ROBO2: variants seen among roughly 807,000 people sequenced by gnomAD.
The protein encoded by ROBO2 is roundabout guidance receptor 2.
A neutral mutation model predicts 160.8 loss-of-function variants in ROBO2; 53 were observed. The ratio of observed to expected loss-of-function variants is 0.33; its 90% CI spans 0.26 to 0.41. ROBO2 has a LOEUF of 0.41. Among genes scored for constraint, ROBO2 ranks in the 10% least tolerant of loss-of-function variants. The pLI is 1.00. For synonymous variants in ROBO2, 664 were observed against 611.7 expected, an observed-to-expected ratio of 1.09 and a Z score of -1.26; for missense variants, 1,577 against 1,722.4, an observed-to-expected ratio of 0.92 and a Z score of 1.49.
intron 3 of ROBO2, among the ~76,000 whole-genome samples, chr3:77,478,104 C>T (rs1006965528): frequency 1.6e-4 from 24 of 151,998 alleles, no homozygotes; most frequent in Non-Finnish European, 1.3e-4. Flanking sequence ...GGATTACAGG[C>T]GTGAGCCACC....
At chr3:77,012,029 A>G (rs2061952837) in intron 2 of ROBO2, among the ~76,000 whole-genome samples, 2 of 152,218 alleles carry the variant, frequency 1.3e-5, no homozygotes, top group South Asian at 4.2e-4. Context: ...ATTTGAATAT[A>G]TTTATTTTTA....
intron 2 of ROBO2, among the ~76,000 whole-genome samples, chr3:77,162,027 A>G (rs911804646): frequency 3.1e-4 from 47 of 152,324 alleles, no homozygotes; most frequent in African/African-American, 1.0e-3. Flanking sequence ...AAGAAGCTAT[A>G]GATATAATTC....
intron 2 of ROBO2, among the ~76,000 whole-genome samples, chr3:75,967,055 A>T (rs1055243008): frequency 2.0e-5 from 3 of 151,736 alleles, no homozygotes; most frequent in Admixed American, 6.6e-5. Context: ...TGTTGAGTTG[A>T]TGGGAGAAAA....
chr3:77,184,784 G>T (rs994556538), intron 2 of ROBO2, among the ~76,000 whole-genome samples: 8 of 151,936 alleles, frequency 5.3e-5, no homozygotes, highest in African/African-American at 1.9e-4. Flanking sequence ...TCTGAGTATG[G>T]GTTTCACATG....
rs549992174 is a variant in ROBO2, at chr3:77,529,828, A to G, written c.934+6926A>G. On this transcript the variant is annotated intron_variant, in intron 6 of 25. Coordinates refer to ENST00000461745, the Ensembl canonical transcript of ROBO2. ...ACAATGTTCAGAAATATAAAGAACT[A>G]TACTTTAAACTTGACAACTACTATT... 7.9e-5 allele frequency among the ~76,000 whole-genome samples: 12 copies of G among 152,078 alleles called. No individual in the cohort carries two copies. The East Asian group carries it at 2.3e-3, about 30-fold the overall frequency.
intron 12 of ROBO2, among the ~76,000 whole-genome samples, chr3:77,565,494 C>T (rs2093453366): frequency 6.6e-6 from 1 of 151,928 alleles, no homozygotes; most frequent in South Asian, 2.1e-4. Flanking sequence ...AAATTATGTC[C>T]TATTGTTTCG....
At chr3:76,220,717 C>G (rs34192453) in intron 2 of ROBO2, among the ~76,000 whole-genome samples, 50,330 of 151,612 alleles carry the variant, frequency 0.33, 9,243 homozygotes, top group Non-Finnish European at 0.41. Flanking sequence ...GAGATGTAAA[C>G]AAAAGAAAGA....
At chr3:77,082,934 A>T (rs1439998890) in intron 1 of ROBO2, among the ~76,000 whole-genome samples, 1 of 152,120 alleles carries the variant, frequency 6.6e-6, no homozygotes, top group Non-Finnish European at 1.5e-5. Flanking sequence ...TGGAAAAAAA[A>T]TCAGCCAGAT....
At chr3:76,966,007 C>G (rs1291044910) in intron 2 of ROBO2, among the ~76,000 whole-genome samples, 1 of 149,272 alleles carries the variant, frequency 6.7e-6, no homozygotes, top group Non-Finnish European at 1.5e-5. Context: ...ACCACAACCT[C>G]CGCCTTCTGG....
intron 2 of ROBO2, among the ~76,000 whole-genome samples, chr3:76,807,109 T>A (rs192041806): frequency 4.6e-5 from 7 of 152,176 alleles, no homozygotes; most frequent in African/African-American, 1.7e-4. Flanking sequence ...AATTCTAAAG[T>A]GTTAGTCTTG....
chr3:77,645,980 G>T, intron 25 of ROBO2, 74 bp from the exon 28 acceptor site: 1 of 1,092,708 alleles, frequency 9.2e-7, no homozygotes, highest in Non-Finnish European at 1.3e-6. Flanking sequence ...TGTTGGCTTT[G>T]CTTTTTGTTA....
chr3:77,149,226 G>C (rs1195104462), intron 2 of ROBO2, among the ~76,000 whole-genome samples: 1 of 151,756 alleles, frequency 6.6e-6, no homozygotes, highest in East Asian at 1.9e-4. Flanking sequence ...TAGTAGAGAC[G>C]GGGTTTCACC....
chr3:76,998,848 G>A (rs2061178407), intron 2 of ROBO2, among the ~76,000 whole-genome samples: 1 of 152,104 alleles, frequency 6.6e-6, no homozygotes. Flanking sequence ...TATTGAGGGT[G>A]TAAGCCTGAT....
intron 2 of ROBO2, among the ~76,000 whole-genome samples, chr3:76,059,335 T>C (rs1443404843): frequency 5.9e-5 from 9 of 152,092 alleles, no homozygotes; most frequent in Middle Eastern, 3.4e-3. Context: ...TTTGAATGAT[T>C]GCCATTCTAA....
rs869307615 is a variant in ROBO2 at position 76,073,267 on chromosome 3, C to CTTT, written c.109+135707_109+135709dup. Among the ~76,000 whole-genome samples, 27 of 57,396 alleles carry CTTT rather than the reference C, an allele frequency of 4.7e-4. 3 individuals carry two copies. The highest frequency in any genetic ancestry group is 1.1e-3 in the East Asian group (2 of 1,820). The allele number at this position is 57,396 out of a possible 152,430, so 37.7% of individuals were successfully genotyped here. A position where few individuals can be genotyped will look rare whatever the true frequency, so the allele number is the denominator to read the frequency against. ...TTGTAAACTTCTCAGAATGAGTATT[C>CTTT]TTTTTTTTTTTTTTTTTTTTTTTTT... On this transcript the variant is annotated intron_variant, in intron 2 of 26. Coordinates refer to the ROBO2 transcript ENST00000487694.
At chr3:76,249,700 T>G (rs1705864255) in intron 2 of ROBO2, among the ~76,000 whole-genome samples, 1 of 152,198 alleles carries the variant, frequency 6.6e-6, no homozygotes. Flanking sequence ...GGCTATATTA[T>G]TTGCAAGAAA....
At chr3:77,367,495 C>A (rs1172122245) in intron 2 of ROBO2, among the ~76,000 whole-genome samples, 1 of 151,942 alleles carries the variant, frequency 6.6e-6, no homozygotes, top group Non-Finnish European at 1.5e-5. Flanking sequence ...CATAACCGGA[C>A]TCGCGATAGT....
intron 2 of ROBO2, among the ~76,000 whole-genome samples, chr3:76,993,302 C>CA (rs2060796142): frequency 6.6e-6 from 1 of 152,090 alleles, no homozygotes; most frequent in Non-Finnish European, 1.5e-5. Context: ...ATGTAAACAT[C>CA]ACTCTTAGCA....
chr3:76,384,156 T>C (rs1329048569), intron 2 of ROBO2, among the ~76,000 whole-genome samples: 3 of 152,238 alleles, frequency 2.0e-5, no homozygotes, highest in Non-Finnish European at 4.4e-5. Context: ...TTGGAGTGAA[T>C]GAGTTGCACT....
Sources: gnomAD v4.1 joint callset for allele counts (sites outside exome capture counted in the v4.1 genomes callset) on GRCh38, gnomAD v4.1.1 for gene constraint, MANE v1.5 for transcripts, NCBI Gene and HGNC (gene_info 2026-07-23, HGNC 2026-07-21) for gene names.